The following PELP1 variants were observed in gnomAD, a reference collection of about 807,000 sequenced individuals.
The protein encoded by PELP1 is proline, glutamate and leucine rich protein 1.
Under a neutral mutation model 95.5 loss-of-function variants are expected in PELP1, and 32 were observed. That is an observed-to-expected ratio of 0.34 (90% CI 0.25 to 0.45). The LOEUF is 0.45. PELP1 is among the 20% of genes least tolerant of loss of function. The pLI is 1.00. For synonymous variants in PELP1, 668 were observed against 600.1 expected, an observed-to-expected ratio of 1.11 and a Z score of -1.65; for missense variants, 1,358 against 1,444.8, an observed-to-expected ratio of 0.94 and a Z score of 0.97.
intron 1 of PELP1, among the ~76,000 whole-genome samples, chr17:4,699,150 C>T (rs1387634231): frequency 2.0e-5 from 3 of 152,102 alleles, no homozygotes; most frequent in Admixed American, 6.5e-5. Flanking sequence ...AGTGCCGAGG[C>T]GGGCGGATCA....
chr17:4,675,291 C>T lies in PELP1; in HGVS notation c.1140G>A (p.Leu380=), dbSNP rs763502297. The part of the protein sequence containing the change: ...PSIHLEALDL[L]SALILACGSR... ...CCACTCACGCGAGGATGAGTGCAGA[C>T]AGCAGGTCCAAGGCCTCAAGGTGGA... The change falls in exon 10 of 17, where the codon CTG becomes CTA. Residue 380 remains leucine (L), a synonymous_variant. Transcript: ENST00000572293. The surrounding 1 kb of genome is among the most constrained non-coding windows in gnomAD (Gnocchi z 4.3). The T allele has an allele frequency of 3.1e-5, 48 of 1,572,908 alleles. No individual in the cohort carries two copies. The highest frequency in any genetic ancestry group is 3.8e-5 in the Non-Finnish European group (44 of 1,159,362).
chr17:4,682,953 C>A lies in PELP1; in HGVS notation c.421-1G>T. On this transcript the variant is annotated splice_acceptor_variant, in intron 3 of 16. Transcript: ENST00000572293. LOFTEE classifies it high-confidence loss of function. ...CCATTGTGGCAGGCGGGTCCTGGGT[C>A]TAAAGAAAAAAATAATGTCTCGTGC... is the stretch of plus-strand genomic sequence containing the variant. 1.5e-6 allele frequency: 2 copies of A among 1,350,278 alleles called. No individual in the cohort carries two copies. The highest frequency in any genetic ancestry group is 1.9e-6 in the Non-Finnish European group (2 of 1,054,140). The allele number at this position is 1,350,278 out of a possible 1,614,324, so 83.6% of individuals were successfully genotyped here.
At chr17:4,688,672 C>T (rs1404357227) in intron 3 of PELP1, among the ~76,000 whole-genome samples, 1 of 152,148 alleles carries the variant, frequency 6.6e-6, no homozygotes, top group Non-Finnish European at 1.5e-5. Flanking sequence ...GGAAAAACTA[C>T]AAAACACTGC....
intron 3 of PELP1, among the ~76,000 whole-genome samples, chr17:4,687,405 G>A (rs1912944093): frequency 1.3e-5 from 2 of 150,758 alleles, no homozygotes; most frequent in African/African-American, 4.9e-5. Flanking sequence ...TTAGCCAAGT[G>A]TGGTGGCGGG....
At chr17:4,690,056 A>G (rs1209226756) in intron 3 of PELP1, among the ~76,000 whole-genome samples, 3 of 152,046 alleles carry the variant, frequency 2.0e-5, no homozygotes, top group Non-Finnish European at 2.9e-5. Flanking sequence ...GAGAGAGAGA[A>G]AATGTGGTGT....
At chr17:4,681,602 C>T (rs958467091) in intron 5 of PELP1, among the ~76,000 whole-genome samples, 4 of 151,812 alleles carry the variant, frequency 2.6e-5, no homozygotes, top group African/African-American at 9.7e-5. Context: ...GAGATCGAGA[C>T]CATCCTGGCC....
Position 4,676,012 on chromosome 17 carries a change from G to A in PELP1, c.980+24C>T, listed in dbSNP as rs200551140. 411 of 1,612,572 alleles carry A rather than the reference G, an allele frequency of 2.5e-4. 3 individuals are homozygous for A. The highest frequency in any genetic ancestry group is 1.6e-3 in the South Asian group (148 of 90,882). ...TCAATCCCTCCTGCTCCACGCCTCC[G>A]CTCCCTCCAATACCCACACACACCT... On this transcript the variant is annotated intron_variant, in intron 8 of 16. Transcript: ENST00000572293.
At position 4,671,462 on chromosome 17, in the gene PELP1, G is replaced by A. The variant is rs778217962; in HGVS notation, c.3370C>T (p.Pro1124Ser). The change falls in exon 17 of 17, where the codon CCT becomes TCT. Residue 1124 changes from proline to serine, a missense_variant. Coordinates refer to ENST00000572293, the MANE Select transcript of PELP1 (RefSeq NM_014389.3). ...DCPPDDEKPP[P>S]PTEPDS The stretch of plus-strand genomic sequence containing the variant: ...GGCTAGGAGTCAGGCTCTGTGGGAG[G>A]TGGTGGCTTCTCATCATCAGGGGGA... 2.5e-6 allele frequency: 4 copies of A among 1,577,620 alleles called. No homozygotes were observed. Among genetic ancestry groups the A allele is most frequent in the Non-Finnish European group, 3.5e-6 (4 of 1,146,822 alleles).
At chr17:4,689,330 T>C (rs1160191530) in intron 3 of PELP1, among the ~76,000 whole-genome samples, 2 of 152,084 alleles carry the variant, frequency 1.3e-5, no homozygotes, top group Non-Finnish European at 2.9e-5. Context: ...CAAAGATAAA[T>C]AGATGGGACT....
At position 4,670,472 on chromosome 17, in the gene PELP1, C is replaced by G. The variant is rs1027790754; in HGVS notation, c.*967G>C. On this transcript the variant is annotated 3_prime_UTR_variant, in exon 17 of 17. Coordinates refer to ENST00000572293, the MANE Select transcript of PELP1 (RefSeq NM_014389.3). ...AGGTGCGGTGTCTCATGCTTGTGAT[C>G]CCAGCACTTTGGGAGTCCAAGGCAG... 6.6e-6 allele frequency: 1 copy of G among 152,246 alleles called. No individual in the cohort carries two copies. Among genetic ancestry groups the G allele is most frequent in the African/African-American group, 2.4e-5 (1 of 41,442 alleles). The allele number at this position is 152,246 out of a possible 1,614,324, so 9.4% of individuals were successfully genotyped here.
At chr17:4,681,239 C>T (rs1195394625) in intron 5 of PELP1, among the ~76,000 whole-genome samples, 1 of 152,230 alleles carries the variant, frequency 6.6e-6, no homozygotes, top group African/African-American at 2.4e-5. Context: ...AATCCCAACA[C>T]TTTGGGAGGC....
chr17:4,673,586 C>T lies in PELP1; in HGVS notation c.1638+33G>A. ...AATGTGTACAGAGCAGGGGCCCCTT[C>T]CCCTATCTCCACGGAGACGAGGCTC... On this transcript the variant is annotated intron_variant, in intron 14 of 16. Coordinates refer to ENST00000572293, the MANE Select transcript of PELP1 (RefSeq NM_014389.3). This position sits in a 1 kb window ranked among gnomAD's most constrained non-coding sequence, Gnocchi z 5.7. The T allele has an allele frequency of 6.2e-7, 1 of 1,608,338 alleles. No homozygotes were observed. The highest frequency in any genetic ancestry group is 1.7e-5 in the Admixed American group (1 of 59,994).
intron 1 of PELP1, among the ~76,000 whole-genome samples, chr17:4,692,450 G>A (rs1244810324): frequency 7.4e-6 from 1 of 134,890 alleles, no homozygotes. Flanking sequence ...CTGGGCAACA[G>A]AGCGAGACTC....
intron 1 of PELP1, among the ~76,000 whole-genome samples, chr17:4,693,038 A>C (rs1487952050): frequency 6.6e-6 from 1 of 152,128 alleles, no homozygotes; most frequent in Non-Finnish European, 1.5e-5. Flanking sequence ...TTTAGCAGAG[A>C]CCTAAAGGAA....
At position 4,673,495 on chromosome 17, in the gene PELP1, C is replaced by T. The variant is rs754041400; in HGVS notation, c.1639-39G>A. The T allele has an allele frequency of 5.7e-6, 9 of 1,567,758 alleles. No individual in the cohort carries two copies. The highest frequency in any genetic ancestry group is 1.4e-5 in the African/African-American group (1 of 73,880). ...AGCACACCTGGAAACATCCCCAAGA[C>T]CACCCAACCCTTCTCCAGAGCCTAC... On this transcript the variant is annotated intron_variant, in intron 14 of 16. Coordinates refer to ENST00000572293, the MANE Select transcript of PELP1 (RefSeq NM_014389.3). This position sits in a 1 kb window ranked among gnomAD's most constrained non-coding sequence, Gnocchi z 5.7.
In PELP1 at chr17:4,676,122, C is replaced by T. The variant is rs1252812311; in HGVS notation, c.894G>A (p.Leu298=). 2 of 1,614,022 alleles carry T rather than the reference C, an allele frequency of 1.2e-6. No homozygotes were observed. Among genetic ancestry groups the T allele is most frequent in the East Asian group, 2.2e-5 (1 of 44,880 alleles). The change falls in exon 8 of 17, where the codon CTG becomes CTA. Residue 298 remains leucine, a synonymous_variant. Transcript: ENST00000572293. ...QNEGPGVEML[L]SSEDGDAHVL... The stretch of plus-strand genomic sequence containing the variant: ...CATGGGCATCACCATCTTCTGAGGA[C>T]AGCAGCATCTCCACCCCAGGGCCTT...
chr17:4,674,722 C>G (rs1912384173), intron 12 of PELP1, 53 bp from the exon 13 acceptor site: 3 of 1,587,008 alleles, frequency 1.9e-6, no homozygotes, highest in East Asian at 2.2e-5. Context: ...CAAGGCAAGA[C>G]AGCCACAGCA....
intron 1 of PELP1, among the ~76,000 whole-genome samples, chr17:4,700,914 G>GT (rs1437442886): frequency 8.7e-6 from 1 of 114,754 alleles, no homozygotes; most frequent in African/African-American, 3.2e-5. Context: ...CTGAGTTAGA[G>GT]TAAGGCCCTA....
At position 4,673,170 on chromosome 17, in the gene PELP1, G is replaced by GT. The variant is rs759881968; in HGVS notation, c.1846-26dup. On this transcript the variant is annotated intron_variant, in intron 15 of 16. Coordinates refer to ENST00000572293, the MANE Select transcript of PELP1 (RefSeq NM_014389.3). The surrounding 1 kb of genome is among the most constrained non-coding windows in gnomAD (Gnocchi z 5.7). Reference sequence around the variant, plus strand: ...CCTGAGGAAAGAAGAAAGGGCAAGTGTGAGCACCAGAAATACTGGGAGTCT... The same window carrying GT: ...CCTGAGGAAAGAAGAAAGGGCAAGTGTTGAGCACCAGAAATACTGGGAGTCT... 44 of 1,513,774 alleles carry GT rather than the reference G, an allele frequency of 2.9e-5. 1 individual carries two copies. The South Asian group carries it at 5.6e-4, about 19-fold the overall frequency. 93.8% of individuals were successfully genotyped at this position (1,513,774 alleles called of 1,614,324 possible).
Sources: allele counts gnomAD v4.1 joint callset (sites outside exome capture counted in the v4.1 genomes callset), GRCh38; gene constraint gnomAD v4.1.1; non-coding constraint Gnocchi (gnomAD v3.1); transcripts MANE v1.5; gene names NCBI Gene and HGNC (gene_info 2026-07-23, HGNC 2026-07-21).